Variants in NT5DC2 observed in about 807,000 individuals in gnomAD.
NT5DC2 encodes the protein 5'-nucleotidase domain-containing protein 2.
NT5DC2 carries 41 observed loss-of-function variants against 70.0 expected under a neutral mutation model. The observed-to-expected ratio is 0.59, with a 90% CI of 0.46 to 0.76. The LOEUF (loss-of-function observed/expected upper bound fraction) is 0.76. Ranked by LOEUF, NT5DC2 falls within the 30% of genes least tolerant of loss-of-function variation. The pLI, the probability that NT5DC2 is intolerant of heterozygous loss-of-function variation, is 0.00. For synonymous variants in NT5DC2, 299 were observed against 310.4 expected, an observed-to-expected ratio of 0.96 and a Z score of 0.39; for missense variants, 705 against 783.2, an observed-to-expected ratio of 0.90 and a Z score of 1.19.
Position 52,525,279 on chromosome 3 carries a change from A to AAGTC in NT5DC2, c.1132_1135dup (p.Phe379Ter). On this transcript the variant is annotated stop_gained and frameshift_variant, in exon 11 of 14. Transcript: ENST00000422318. LOFTEE classifies it high-confidence loss of function. ...GCCACGCCATTCCGTCAAGCGTAAGAAGTCAAACAGGTTTCCCTAGGGAGA... is the reference window on the plus strand; with the variant it reads ...GCCACGCCATTCCGTCAAGCGTAAGAAGTCAGTCAAACAGGTTTCCCTAGGGAGA... 1 of 1,612,778 alleles carries AAGTC rather than the reference A, an allele frequency of 6.2e-7. No homozygotes were observed. The highest frequency in any genetic ancestry group is 8.5e-7 in the Non-Finnish European group (1 of 1,179,888).
intron 2 of NT5DC2, 56 bp from the exon 3 acceptor site, chr3:52,528,991 G>A: frequency 1.2e-6 from 2 of 1,603,502 alleles, no homozygotes; most frequent in South Asian, 1.1e-5. Flanking sequence ...CCTGCTGGCT[G>A]GGTGGCCACC....
chr3:52,531,243 G>A lies in NT5DC2; in HGVS notation c.233-1909C>T, dbSNP rs566540751. Among the ~76,000 whole-genome samples the A allele has an allele frequency of 3.3e-5, 5 of 152,300 alleles. No homozygotes were observed. Among genetic ancestry groups the A allele is most frequent in the Non-Finnish European group, 4.4e-5 (3 of 68,010 alleles). The stretch of plus-strand genomic sequence containing the variant: ...GCCAGCACAGAGCGGCTGCTCCGAA[G>A]ATCTGTGGGTGTAGACAGGAGTCTT... On this transcript the variant is annotated intron_variant, in intron 1 of 13. Transcript: ENST00000422318. This position sits in a 1 kb window ranked among gnomAD's most constrained non-coding sequence, Gnocchi z 4.1.
upstream of NT5DC2, chr3:52,534,503 G>A (rs895005944): frequency 6.2e-7 from 1 of 1,612,572 alleles, no homozygotes; most frequent in African/African-American, 1.3e-5. Flanking sequence ...CGCCCGCTTG[G>A]TTCGGACCTC....
At chr3:52,534,711 C>G, upstream of NT5DC2, 1 of 1,553,802 alleles carries the variant, frequency 6.4e-7, no homozygotes, top group Non-Finnish European at 8.7e-7. Flanking sequence ...TGCTCAGGGT[C>G]CGGAGGAGGC....
chr3:52,527,654 GGACAAT>G lies in NT5DC2; in HGVS notation c.994_999del (p.Ile332_Val333del). On this transcript the variant is annotated inframe_deletion, in exon 9 of 14. Transcript: ENST00000422318. The stretch of plus-strand genomic sequence containing the variant: ...GTGAAGAAGCTGGGCTTGTCTGCCT[GGACAAT>G]GACCACATCGAAGAGCTGGCGCCAA... 1 of 1,613,164 alleles carries G rather than the reference GGACAAT, an allele frequency of 6.2e-7. No individual in the cohort carries two copies. Among genetic ancestry groups the G allele is most frequent in the South Asian group, 1.1e-5 (1 of 91,082 alleles).
At position 52,524,838 on chromosome 3, in the gene NT5DC2, A is replaced by G. The variant is rs144568381; in HGVS notation, c.1391T>C (p.Met464Thr). ...AESRQVLAAW[M>T]KERQELRCIT... ...TCACCTCAGCTCCTGCCGCTCTTTC[A>G]TCCAGGCAGCCAGCACCTGCCTCGA... Residue 464 changes from methionine to threonine, a missense_variant, in exon 13 of 14, where the codon ATG becomes ACG. Met to Thr is a moderately conservative substitution (Grantham distance 81). Coordinates refer to ENST00000422318, the MANE Select transcript of NT5DC2 (RefSeq NM_001134231.2). The G allele has an allele frequency of 1.9e-6, 3 of 1,612,584 alleles. No homozygotes were observed. The African/African-American group carries it at 4.0e-5, about 22-fold the overall frequency.
chr3:52,527,446 C>T, intron 9 of NT5DC2, 71 bp from the exon 10 acceptor site: 1 of 1,545,710 alleles, frequency 6.5e-7, no homozygotes. Flanking sequence ...CCCATCCCTC[C>T]TCCGTAAAGG....
chr3:52,528,080 G>T lies in NT5DC2; in HGVS notation c.772-7C>A. 1 of 1,612,762 alleles carries T rather than the reference G, an allele frequency of 6.2e-7. No homozygotes were observed. Among genetic ancestry groups the T allele is most frequent in the Non-Finnish European group, 8.5e-7 (1 of 1,179,846 alleles). ...GCACGTCTCGGATGGCGTCCTGGGGGCAGTGGAGGACAATGAGGGTACAGC... is the reference window on the plus strand; with the variant it reads ...GCACGTCTCGGATGGCGTCCTGGGGTCAGTGGAGGACAATGAGGGTACAGC... On this transcript the variant is annotated splice_polypyrimidine_tract_variant and splice_region_variant and intron_variant, in intron 6 of 13. Transcript: ENST00000422318.
At position 52,531,745 on chromosome 3, in the gene NT5DC2, A is replaced by G. The variant is rs987378917; in HGVS notation, c.232+1761T>C. On this transcript the variant is annotated intron_variant, in intron 1 of 13. Coordinates refer to ENST00000422318, the MANE Select transcript of NT5DC2 (RefSeq NM_001134231.2). This position sits in a 1 kb window ranked among gnomAD's most constrained non-coding sequence, Gnocchi z 4.1. ...CCAGCAATTGCCCTCCTTTCTCCTC[A>G]GCCCTAGCTCCCACACCTGCCCATG... Among the ~76,000 whole-genome samples the G allele has an allele frequency of 2.6e-5, 4 of 151,846 alleles. No individual in the cohort carries two copies. The highest frequency in any genetic ancestry group is 9.7e-5 in the African/African-American group (4 of 41,310).
At chr3:52,534,338 C>A, upstream of NT5DC2, 1 of 846,004 alleles carries the variant, frequency 1.2e-6, no homozygotes, top group Non-Finnish European at 1.9e-6. Context: ...AGAGCCCGGG[C>A]CAGTCCACTC....
At chr3:52,525,170 T>G in intron 11 of NT5DC2, 39 bp downstream of exon 11, 1 of 1,571,112 alleles carries the variant, frequency 6.4e-7, no homozygotes, top group Non-Finnish European at 8.7e-7. Context: ...GGGGGTTTCC[T>G]GGCCCTCCCC....
Position 52,524,667 on chromosome 3 carries a change from T to C in NT5DC2, c.1477A>G (p.Thr493Ala). 3 of 1,612,800 alleles carry C rather than the reference T, an allele frequency of 1.9e-6. No homozygotes were observed. Among genetic ancestry groups the C allele is most frequent in the Non-Finnish European group, 2.5e-6 (3 of 1,179,984 alleles). Residue 493 changes from threonine to alanine, a missense_variant, in exon 14 of 14, where the codon ACC (threonine) becomes GCC (alanine). Thr to Ala is a moderately conservative substitution (Grantham distance 58). Transcript: ENST00000422318. ...CGCACGAGGCGCCTTGAGAAGTAGG[T>C]GGGGTTGTGGAAGGTGCGGAAGATG... ...GSIFRTFHNPTYFSRRLVRFS... is the reference protein window; with the variant it reads ...GSIFRTFHNPAYFSRRLVRFS...
At position 52,531,017 on chromosome 3, in the gene NT5DC2, T is replaced by C. The variant is rs995522390; in HGVS notation, c.233-1683A>G. On this transcript the variant is annotated intron_variant, in intron 1 of 13. Coordinates refer to ENST00000422318, the MANE Select transcript of NT5DC2 (RefSeq NM_001134231.2). This position sits in a 1 kb window ranked among gnomAD's most constrained non-coding sequence, Gnocchi z 4.1. ...CCAGTGCCGATGACAAAGCAGGAGCTGCCAGGCCAGAGGGCCAGGGAAGCC... is the reference window on the plus strand; with the variant it reads ...CCAGTGCCGATGACAAAGCAGGAGCCGCCAGGCCAGAGGGCCAGGGAAGCC... 2.0e-5 allele frequency among the ~76,000 whole-genome samples: 3 copies of C among 152,212 alleles called. No homozygotes were observed. The highest frequency in any genetic ancestry group is 7.2e-5 in the African/African-American group (3 of 41,458).
upstream of NT5DC2, chr3:52,534,574 G>C: frequency 1.2e-6 from 2 of 1,613,784 alleles, no homozygotes; most frequent in Non-Finnish European, 1.7e-6. Context: ...CTCGTGAGAT[G>C]CTGTGGTCTT....
chr3:52,525,346 C>T, intron 10 of NT5DC2, 51 bp from the exon 11 acceptor site: 2 of 1,436,688 alleles, frequency 1.4e-6, no homozygotes, highest in East Asian at 2.3e-5. Context: ...TGTCCTCCAC[C>T]AGTCCTCCCT....
At chr3:52,526,766 C>T (rs1193042337) in intron 10 of NT5DC2, among the ~76,000 whole-genome samples, 1 of 152,198 alleles carries the variant, frequency 6.6e-6, no homozygotes, top group Non-Finnish European at 1.5e-5. Context: ...CTCAAGTGAT[C>T]CTCCCACCTC....
upstream of NT5DC2, chr3:52,534,694 C>CA: frequency 3.2e-6 from 5 of 1,574,460 alleles, no homozygotes; most frequent in Non-Finnish European, 4.3e-6. Flanking sequence ...GCACGCATAC[C>CA]AGGCTGTGCT....
chr3:52,534,567 G>T (rs989338814), upstream of NT5DC2: 7 of 1,613,566 alleles, frequency 4.3e-6, no homozygotes, highest in East Asian at 2.2e-5. Flanking sequence ...CACGCCCCTC[G>T]TGAGATGCTG....
At chr3:52,532,426 G>A in intron 1 of NT5DC2, 1 of 985,428 alleles carries the variant, frequency 1.0e-6, no homozygotes, top group Non-Finnish European at 1.2e-6. Context: ...AGATGCCCAA[G>A]GCTTCAAAAT....
Sources: allele counts gnomAD v4.1 joint callset (sites outside exome capture counted in the v4.1 genomes callset), GRCh38; gene constraint gnomAD v4.1.1; non-coding constraint Gnocchi (gnomAD v3.1); transcripts MANE v1.5; gene names NCBI Gene and HGNC (gene_info 2026-07-23, HGNC 2026-07-21).